STK32A: variants seen among roughly 807,000 people sequenced by gnomAD.
STK32A encodes the protein serine/threonine-protein kinase 32A.
A neutral mutation model predicts 53.2 loss-of-function variants in STK32A; 41 were observed. That is an observed-to-expected ratio of 0.77 (90% CI 0.60 to 1.00). The LOEUF (loss-of-function observed/expected upper bound fraction) is 1.00. STK32A is among the 50% of genes least tolerant of loss of function. The pLI is 0.00. For missense variants in STK32A, 458 were observed against 485.8 expected, an observed-to-expected ratio of 0.94 and a Z score of 0.54; for synonymous variants, 166 against 162.8, an observed-to-expected ratio of 1.02 and a Z score of -0.15.
intron 8 of STK32A, among the ~76,000 whole-genome samples, chr5:147,367,664 T>C (rs1756823530): frequency 6.6e-6 from 1 of 152,184 alleles, no homozygotes; most frequent in African/African-American, 2.4e-5. Context: ...CACAAGGTAG[T>C]GTCATCAGTT....
At chr5:147,269,653 T>C (rs1017675189) in intron 2 of STK32A, among the ~76,000 whole-genome samples, 6 of 152,206 alleles carry the variant, frequency 3.9e-5, no homozygotes, top group African/African-American at 1.2e-4. Flanking sequence ...TCTGGGGAAT[T>C]TATCTTATTT....
At position 147,260,295 on chromosome 5, in the gene STK32A, G is replaced by GTCTCTCTCTC. The variant is rs71001423; in HGVS notation, c.53-17815_53-17806dup. On this transcript the variant is annotated intron_variant, in intron 2 of 12. Transcript: ENST00000397936. ...CCCTCTCTGTCTCTCTCTCTCGCCT[G>GTCTCTCTCTC]TCTCTCTCTCTCTCTCTCTCTCTTC... is the stretch of plus-strand genomic sequence containing the variant. 4.8e-3 allele frequency among the ~76,000 whole-genome samples: 561 copies of GTCTCTCTCTC among 117,344 alleles called. 7 individuals are homozygous for GTCTCTCTCTC. The highest frequency in any genetic ancestry group is 0.017 in the African/African-American group (534 of 30,876). The allele number at this position is 117,344 out of a possible 152,430, so 77.0% of individuals were successfully genotyped here.
At chr5:147,311,045 A>G (rs1753669257) in intron 4 of STK32A, among the ~76,000 whole-genome samples, 1 of 151,858 alleles carries the variant, frequency 6.6e-6, no homozygotes, top group African/African-American at 2.4e-5. Context: ...TTTAAAAATC[A>G]CCCCCCATCT....
At chr5:147,308,401 G>C (rs576207039) in intron 4 of STK32A, among the ~76,000 whole-genome samples, 3 of 152,202 alleles carry the variant, frequency 2.0e-5, no homozygotes, top group African/African-American at 7.2e-5. Context: ...TTTGTGTTCA[G>C]TGACCTGGCT....
chr5:147,380,443 G>A (rs560422175), intron 11 of STK32A, among the ~76,000 whole-genome samples: 1 of 151,964 alleles, frequency 6.6e-6, no homozygotes, highest in African/African-American at 2.4e-5. Flanking sequence ...TCCAGTACTG[G>A]AGAACTTAGC....
intron 4 of STK32A, among the ~76,000 whole-genome samples, chr5:147,311,210 T>G (rs1753677495): frequency 6.6e-6 from 1 of 152,202 alleles, no homozygotes; most frequent in East Asian, 1.9e-4. Context: ...ACAGTATCCT[T>G]CACTTTTCTT....
At chr5:147,342,022 C>T (rs138916048) in intron 5 of STK32A, among the ~76,000 whole-genome samples, 10 of 152,224 alleles carry the variant, frequency 6.6e-5, no homozygotes, top group East Asian at 1.9e-4. Context: ...ATCAAAAAAT[C>T]GCATTGTACT....
chr5:147,295,396 T>C (rs1272167819), intron 4 of STK32A, among the ~76,000 whole-genome samples: 1 of 152,240 alleles, frequency 6.6e-6, no homozygotes, highest in Non-Finnish European at 1.5e-5. Context: ...TTGTTAATCA[T>C]TTTTATAGCC....
At chr5:147,356,889 T>TA (rs776235692) in intron 7 of STK32A, among the ~76,000 whole-genome samples, 2 of 152,180 alleles carry the variant, frequency 1.3e-5, no homozygotes, top group African/African-American at 2.4e-5. Context: ...AAATTTGTAG[T>TA]AAAAATCCTG....
Position 147,361,973 on chromosome 5 carries a change from A to T in STK32A, c.660+359A>T, listed in dbSNP as rs148929577. ...TAGTACAGGACTCTAATTCAGACAT[A>T]CCTCACCAAGGCTAGTGTGAATTAT... On this transcript the variant is annotated intron_variant, in intron 8 of 12. Coordinates refer to ENST00000397936, the MANE Select transcript of STK32A (RefSeq NM_001112724.2). 3.1e-3 allele frequency among the ~76,000 whole-genome samples: 473 copies of T among 152,314 alleles called. 3 individuals are homozygous for T. Among genetic ancestry groups the T allele is most frequent in the African/African-American group, 0.011 (451 of 41,576 alleles).
At chr5:147,300,149 A>G (rs962881719) in intron 4 of STK32A, among the ~76,000 whole-genome samples, 1 of 152,174 alleles carries the variant, frequency 6.6e-6, no homozygotes, top group Non-Finnish European at 1.5e-5. Context: ...GTAGTGTTCT[A>G]TTACTTTGGG....
rs1753693406 is a variant in STK32A, at chr5:147,311,473, G to T, written c.261-12425G>T. On this transcript the variant is annotated intron_variant, in intron 4 of 12. Coordinates refer to ENST00000397936, the MANE Select transcript of STK32A (RefSeq NM_001112724.2). Reference sequence around the variant, plus strand: ...AAATGAGCAGGGCACAAAATTCTTTGTTCAATTAGTGAGCAATTCAGGCAA... The same window carrying T: ...AAATGAGCAGGGCACAAAATTCTTTTTTCAATTAGTGAGCAATTCAGGCAA... 4.6e-5 allele frequency among the ~76,000 whole-genome samples: 7 copies of T among 152,232 alleles called. No homozygotes were observed. The South Asian group carries it at 1.5e-3, about 32-fold the overall frequency.
At chr5:147,348,632 T>C (rs947436333) in intron 6 of STK32A, 11 of 743,634 alleles carry the variant, frequency 1.5e-5, no homozygotes, top group African/African-American at 1.0e-4. Flanking sequence ...CAGACTAAAG[T>C]AGACAGTTGC....
chr5:147,340,963 T>C (rs376448803), intron 5 of STK32A, among the ~76,000 whole-genome samples: 2 of 152,222 alleles, frequency 1.3e-5, no homozygotes, highest in Admixed American at 6.5e-5. Context: ...CTCTGATCTC[T>C]GTAATATTAA....
intron 4 of STK32A, among the ~76,000 whole-genome samples, chr5:147,298,477 T>G (rs1206168451): frequency 1.3e-5 from 2 of 152,242 alleles, no homozygotes; most frequent in African/African-American, 4.8e-5. Flanking sequence ...GGAATCATTC[T>G]GAGTTATGCT....
At chr5:147,268,191 G>T (rs1386109046) in intron 2 of STK32A, among the ~76,000 whole-genome samples, 2 of 152,026 alleles carry the variant, frequency 1.3e-5, no homozygotes, top group Non-Finnish European at 2.9e-5. Flanking sequence ...ATGTTATATT[G>T]CAGTTATTTA....
intron 4 of STK32A, among the ~76,000 whole-genome samples, chr5:147,311,295 TTCAGGAAGAGGGAAACCA>T (rs1219477633): frequency 6.6e-6 from 1 of 152,200 alleles, no homozygotes; most frequent in Non-Finnish European, 1.5e-5. Flanking sequence ...GATGATTGGC[TTCAGGAAGAGGGAAACCA>T]TGTCCTTTTG....
chr5:147,376,884 AG>A (rs1757253874), intron 11 of STK32A, among the ~76,000 whole-genome samples: 1 of 152,166 alleles, frequency 6.6e-6, no homozygotes, highest in African/African-American at 2.4e-5. Flanking sequence ...AACTGCAAAT[AG>A]TTTCTCCCTT....
At chr5:147,347,647 A>G (rs1755754277) in intron 6 of STK32A, among the ~76,000 whole-genome samples, 1 of 152,186 alleles carries the variant, frequency 6.6e-6, no homozygotes, top group African/African-American at 2.4e-5. Flanking sequence ...ACTCTGCTCT[A>G]AGGCTCACTC....
Sources: gnomAD v4.1 joint callset for allele counts (sites outside exome capture counted in the v4.1 genomes callset) on GRCh38, gnomAD v4.1.1 for gene constraint, MANE v1.5 for transcripts, NCBI Gene and HGNC (gene_info 2026-07-23, HGNC 2026-07-21) for gene names.